Variants in TXLNB observed in about 807,000 individuals in gnomAD.
TXLNB encodes beta-taxilin.
TXLNB carries 37 observed loss-of-function variants against 57.4 expected under a neutral mutation model. The observed-to-expected ratio is 0.64, with a 90% confidence interval of 0.50 to 0.85. The LOEUF is 0.85. Ranked by LOEUF, TXLNB falls within the 40% of genes least tolerant of loss-of-function variation. The pLI, the probability that TXLNB is intolerant of heterozygous loss-of-function variation, is 0.00. For missense variants in TXLNB, 848 were observed against 825.6 expected, an observed-to-expected ratio of 1.03 and a Z score of -0.33; for synonymous variants, 302 against 309.6, an observed-to-expected ratio of 0.98 and a Z score of 0.26.
chr6:139,295,585 G>GA (rs1258463218), upstream of TXLNB, among the ~76,000 whole-genome samples: 1 of 151,266 alleles, frequency 6.6e-6, no homozygotes, highest in African/African-American at 2.4e-5. Flanking sequence ...TTTTTGGGGG[G>GA]GGGATTTACT....
At chr6:139,194,017 A>G in the TXLNB span, among the ~76,000 whole-genome samples, 2 of 150,306 alleles carry the variant, frequency 1.3e-5, no homozygotes, top group African/African-American at 4.9e-5. Flanking sequence ...AATTTTTTGT[A>G]TTTTTAGTAG....
At chr6:139,179,482 A>G in the TXLNB span, 1 of 152,130 alleles carries the variant, frequency 6.6e-6, no homozygotes, top group African/African-American at 2.4e-5. Context: ...GTTTTACTGT[A>G]ATTGGGTAAA....
rs1184311986 is a variant in TXLNB at position 139,242,339 on chromosome 6, A to G, written c.*187T>C. The G allele has an allele frequency of 2.2e-6, 1 of 453,678 alleles. No individual in the cohort carries two copies. Among genetic ancestry groups the G allele is most frequent in the Non-Finnish European group, 3.6e-6 (1 of 276,616 alleles). The allele number at this position is 453,678 out of a possible 1,614,324, so 28.1% of individuals were successfully genotyped here. On this transcript the variant is annotated 3_prime_UTR_variant, in exon 10 of 10. Transcript: ENST00000358430. The stretch of plus-strand genomic sequence containing the variant: ...ACCAGTGTTAAATAGAAAACCTTCA[A>G]ATCAGCTATAAATTGACAACAAATA...
At chr6:139,318,416 G>A in the TXLNB span, among the ~76,000 whole-genome samples, 1 of 151,804 alleles carries the variant, frequency 6.6e-6, no homozygotes, top group Admixed American at 6.6e-5. Context: ...TCCCCAAAAG[G>A]AAACGAGAAA....
At chr6:139,230,805 AG>A in the TXLNB span, among the ~76,000 whole-genome samples, 27 of 152,330 alleles carry the variant, frequency 1.8e-4, 1 homozygote, top group South Asian at 2.5e-3. Context: ...TAAGCAAAAG[AG>A]GATTAGTTGA....
At chr6:139,262,060 C>A (rs1044915357) in intron 5 of TXLNB, among the ~76,000 whole-genome samples, 3 of 150,802 alleles carry the variant, frequency 2.0e-5, no homozygotes. Context: ...CCCACCACCA[C>A]GCCTGGCTAA....
At chr6:139,208,695 T>C in the TXLNB span, among the ~76,000 whole-genome samples, 3 of 152,238 alleles carry the variant, frequency 2.0e-5, no homozygotes, top group Non-Finnish European at 4.4e-5. Context: ...AAAAATCATG[T>C]GATCATCTCA....
At chr6:139,278,834 T>TGC (rs1776970242) in intron 2 of TXLNB, among the ~76,000 whole-genome samples, 2 of 152,146 alleles carry the variant, frequency 1.3e-5, no homozygotes, top group Non-Finnish European at 2.9e-5. Context: ...TGAAACCCCA[T>TGC]CTCTACTAAA....
chr6:139,255,101 T>A (rs557434174), intron 7 of TXLNB, among the ~76,000 whole-genome samples: 1 of 152,274 alleles, frequency 6.6e-6, no homozygotes, highest in Admixed American at 6.5e-5. Context: ...ACGTTACAGG[T>A]GTGAGCCACT....
the TXLNB span, among the ~76,000 whole-genome samples, chr6:139,209,640 G>A: frequency 5.3e-5 from 8 of 152,264 alleles, no homozygotes; most frequent in Admixed American, 3.3e-4. Context: ...TCAATAAAAG[G>A]TGCTAGGAAA....
chr6:139,318,230 A>G, the TXLNB span, among the ~76,000 whole-genome samples: 1 of 146,986 alleles, frequency 6.8e-6, no homozygotes, highest in African/African-American at 2.5e-5. Context: ...AGATCACGCC[A>G]CTGCACTCCA....
chr6:139,268,483 C>T lies in TXLNB; in HGVS notation c.687+1973G>A, dbSNP rs557086778. 4.6e-5 allele frequency among the ~76,000 whole-genome samples: 7 copies of T among 152,168 alleles called. No homozygotes were observed. The South Asian group carries it at 1.0e-3, about 23-fold the overall frequency. On this transcript the variant is annotated intron_variant, in intron 4 of 9. Transcript: ENST00000358430. ...GTATCAAGATAAGACCATGTATGAT[C>T]GGCTATAAAAATTAAATAACACTTC...
Position 139,270,430 on chromosome 6 carries a change from T to C in TXLNB, c.687+26A>G, listed in dbSNP as rs926431798. ...TCTCTGTGCCCCATTCAAGAAATTA[T>C]GTTATTCTGAGGCATGGGGACATAC... On this transcript the variant is annotated intron_variant, in intron 4 of 9. Transcript: ENST00000358430. The C allele has an allele frequency of 2.7e-5, 43 of 1,595,156 alleles. 1 individual carries two copies. The East Asian group carries it at 9.2e-4, about 34-fold the overall frequency.
the TXLNB span, among the ~76,000 whole-genome samples, chr6:139,160,894 C>A: frequency 3.3e-4 from 51 of 152,278 alleles, no homozygotes; most frequent in African/African-American, 1.2e-3. Flanking sequence ...TGTACATGAG[C>A]TGAATAGGGC....
chr6:139,187,445 T>A, the TXLNB span, among the ~76,000 whole-genome samples: 1 of 152,160 alleles, frequency 6.6e-6, no homozygotes, highest in Non-Finnish European at 1.5e-5. Flanking sequence ...TTTTTCCCCA[T>A]GTTTAATTCA....
the TXLNB span, among the ~76,000 whole-genome samples, chr6:139,298,757 T>G: frequency 6.6e-6 from 1 of 152,066 alleles, no homozygotes; most frequent in Non-Finnish European, 1.5e-5. Flanking sequence ...CCCCTCAGAG[T>G]CTCATGTAGA....
chr6:139,191,882 A>T, the TXLNB span, among the ~76,000 whole-genome samples: 3 of 152,160 alleles, frequency 2.0e-5, no homozygotes, highest in African/African-American at 7.2e-5. Context: ...GGCTAATTTC[A>T]GGTCTGTGTC....
chr6:139,242,864 G>A lies in TXLNB; in HGVS notation c.1717C>T (p.Pro573Ser), dbSNP rs766834949. ...GGAGAATTACTGGCCTTGGAGGGAG[G>A]TTCAGCATCACTGCCTCCTTCGGCT... ...AEAEGGSDAE[P>S]PSKASNSPAG... Residue 573 changes from proline (P) to serine (S), a missense_variant, in exon 10 of 10, where the codon CCT (proline) becomes TCT (serine). Physicochemically the swap from Pro to Ser is moderately conservative, Grantham distance 74. Transcript: ENST00000358430. 25 of 1,614,032 alleles carry A rather than the reference G, an allele frequency of 1.5e-5. No homozygotes were observed. The highest frequency in any genetic ancestry group is 2.2e-5 in the East Asian group (1 of 44,898).
At chr6:139,309,565 C>T in the TXLNB span, among the ~76,000 whole-genome samples, 3 of 152,140 alleles carry the variant, frequency 2.0e-5, no homozygotes, top group Non-Finnish European at 2.9e-5. Context: ...AATATTGCCT[C>T]TTGTCCAAAC....
Sources: allele counts gnomAD v4.1 joint callset (sites outside exome capture counted in the v4.1 genomes callset), GRCh38; gene constraint gnomAD v4.1.1; transcripts MANE v1.5; gene names NCBI Gene and HGNC (gene_info 2026-07-23, HGNC 2026-07-21).